Variants in ASPH observed in about 807,000 individuals in gnomAD.
The protein encoded by ASPH is aspartate beta-hydroxylase.
In ASPH, 100 loss-of-function variants were observed where a neutral mutation model predicts 118.4. The observed-to-expected ratio is 0.84, with a 90% CI of 0.72 to 1.00. The LOEUF (loss-of-function observed/expected upper bound fraction) is 1.00, where lower values mean the gene tolerates loss of function less well. ASPH is among the 50% of genes least tolerant of loss of function. The probability of loss-of-function intolerance (pLI) is 0.00; values close to 1 mark genes in which losing one functional copy is unlikely to be tolerated. For synonymous variants in ASPH, 315 were observed against 325.6 expected (o/e 0.97, Z 0.35); for missense variants, 920 against 919.5 (o/e 1.00, Z -0.01).
rs1805046070 is a variant in ASPH at position 61,502,132 on chromosome 8, G to A, written c.*1227C>T. The A allele has an allele frequency of 6.6e-6, 1 of 152,128 alleles. No homozygotes were observed. The highest frequency in any genetic ancestry group is 2.4e-5 in the African/African-American group (1 of 41,422). The allele number at this position is 152,128 out of a possible 1,614,324, so 9.4% of individuals were successfully genotyped here. A position where few individuals can be genotyped will look rare whatever the true frequency, so the allele number is the denominator to read the frequency against. On this transcript the variant is annotated 3_prime_UTR_variant, in exon 25 of 25. Transcript: ENST00000379454. Reference sequence around the variant, plus strand: ...GACGATTTTTACCTATTATTTCTATGTTGTGGGTAATGTTAAAACTAAATA... The same window carrying A: ...GACGATTTTTACCTATTATTTCTATATTGTGGGTAATGTTAAAACTAAATA...
intron 14 of ASPH, among the ~76,000 whole-genome samples, chr8:61,602,409 G>GA (rs1234739794): frequency 1.3e-5 from 2 of 150,916 alleles, no homozygotes; most frequent in African/African-American, 2.5e-5. Flanking sequence ...ACCAATTCCT[G>GA]AAAAAAAACT....
At chr8:61,516,029 A>C (rs1032135791) in intron 24 of ASPH, among the ~76,000 whole-genome samples, 1 of 152,202 alleles carries the variant, frequency 6.6e-6, no homozygotes, top group African/African-American at 2.4e-5. Flanking sequence ...CCTATGATTT[A>C]GTTTCTAAAA....
At chr8:61,592,480 A>C (rs1321701326) in intron 14 of ASPH, among the ~76,000 whole-genome samples, 2 of 152,196 alleles carry the variant, frequency 1.3e-5, no homozygotes, top group Non-Finnish European at 2.9e-5. Context: ...GCCATGCTAA[A>C]CTTCCCCTGC....
chr8:61,536,203 C>T (rs1362435333), intron 21 of ASPH, among the ~76,000 whole-genome samples: 2 of 152,020 alleles, frequency 1.3e-5, no homozygotes, highest in Admixed American at 6.6e-5. Context: ...CCATGCCTGG[C>T]TAATTTTTTG....
chr8:61,521,258 G>T (rs1213299644), intron 22 of ASPH, among the ~76,000 whole-genome samples: 2 of 152,196 alleles, frequency 1.3e-5, no homozygotes, highest in African/African-American at 4.8e-5. Context: ...CAGTGTTCAT[G>T]CTCTTAACCA....
intron 8 of ASPH, among the ~76,000 whole-genome samples, chr8:61,643,736 T>C (rs1379223686): frequency 3.3e-5 from 5 of 152,238 alleles, no homozygotes; most frequent in Non-Finnish European, 5.9e-5. Context: ...AACAGTGGTT[T>C]GAAAAATACG....
At position 61,581,505 on chromosome 8, in the gene ASPH, G is replaced by A. The variant is rs188235384; in HGVS notation, c.1062+2439C>T. The stretch of plus-strand genomic sequence containing the variant: ...CAGCTGCATGGTAGAATAATCCACT[G>A]GTATGATGTCAGTGGGGAAGTAGGA... On this transcript the variant is annotated intron_variant, in intron 15 of 24. Coordinates refer to ENST00000379454, the MANE Select transcript of ASPH (RefSeq NM_004318.4). 2.3e-4 allele frequency among the ~76,000 whole-genome samples: 35 copies of A among 152,312 alleles called. No individual in the cohort carries two copies. The East Asian group carries it at 6.4e-3, about 28-fold the overall frequency.
chr8:61,706,240 C>T (rs371257031), intron 1 of ASPH, among the ~76,000 whole-genome samples: 2 of 150,986 alleles, frequency 1.3e-5, no homozygotes, highest in Admixed American at 6.6e-5. Flanking sequence ...CAGGCCAACA[C>T]GGCAAAACCC....
intron 14 of ASPH, among the ~76,000 whole-genome samples, chr8:61,590,194 T>G (rs754423968): frequency 1.7e-4 from 26 of 152,028 alleles, no homozygotes; most frequent in Middle Eastern, 3.4e-3. Context: ...TAGATATTGC[T>G]CAGGGATCCC....
At chr8:61,537,013 A>G (rs1411346960) in intron 21 of ASPH, among the ~76,000 whole-genome samples, 1 of 152,204 alleles carries the variant, frequency 6.6e-6, no homozygotes, top group African/African-American at 2.4e-5. Flanking sequence ...GAGTGAGAGA[A>G]AAAGGATTGC....
At chr8:61,642,996 A>C in intron 9 of ASPH, 76 bp from the exon 10 acceptor site, 1 of 1,288,988 alleles carries the variant, frequency 7.8e-7, no homozygotes, top group Non-Finnish European at 1.1e-6. Context: ...TTAAAACAAA[A>C]TACTACTTAA....
intron 14 of ASPH, among the ~76,000 whole-genome samples, chr8:61,608,343 C>T (rs921735312): frequency 2.6e-5 from 4 of 152,096 alleles, no homozygotes; most frequent in South Asian, 2.1e-4. Flanking sequence ...AAAGGGTCTC[C>T]GCCAAGATTC....
At chr8:61,645,714 C>T in intron 6 of ASPH, among the ~76,000 whole-genome samples, 1 of 152,158 alleles carries the variant, frequency 6.6e-6, no homozygotes, top group East Asian at 1.9e-4. Context: ...GAAAACCAAA[C>T]CATCCCATAT....
intron 24 of ASPH, among the ~76,000 whole-genome samples, chr8:61,506,024 A>G (rs889106255): frequency 1.3e-5 from 2 of 152,238 alleles, no homozygotes; most frequent in Admixed American, 1.3e-4. Context: ...CAGTGCACCT[A>G]TGTTCACAGC....
chr8:61,537,114 C>A (rs1376488764), intron 21 of ASPH, among the ~76,000 whole-genome samples: 1 of 152,168 alleles, frequency 6.6e-6, no homozygotes, highest in Non-Finnish European at 1.5e-5. Context: ...CAGAGGAGAA[C>A]CATATTCCTC....
intron 3 of ASPH, chr8:61,658,687 A>C (rs1782068100): frequency 6.6e-6 from 1 of 152,180 alleles, no homozygotes; most frequent in Non-Finnish European, 1.5e-5. Context: ...TTCTTCTAAA[A>C]AAAATCTTTA....
At chr8:61,711,715 T>C (rs946640274) in intron 1 of ASPH, among the ~76,000 whole-genome samples, 1 of 152,120 alleles carries the variant, frequency 6.6e-6, no homozygotes, top group Non-Finnish European at 1.5e-5. Context: ...GGTTCTTTTT[T>C]CCCCATACGT....
At chr8:61,645,778 T>C (rs1019758257) in intron 6 of ASPH, among the ~76,000 whole-genome samples, 7 of 152,328 alleles carry the variant, frequency 4.6e-5, no homozygotes, top group South Asian at 2.1e-4. Context: ...ATATAAGTTT[T>C]TGGAAATACA....
intron 3 of ASPH, among the ~76,000 whole-genome samples, chr8:61,655,501 G>A (rs1456643091): frequency 2.0e-5 from 3 of 152,240 alleles, no homozygotes; most frequent in East Asian, 1.9e-4. Context: ...ACTGTGTTCC[G>A]TGTGTTATAC....
Sources: allele counts gnomAD v4.1 joint callset (sites outside exome capture counted in the v4.1 genomes callset), GRCh38; gene constraint gnomAD v4.1.1; transcripts MANE v1.5; gene names NCBI Gene and HGNC (gene_info 2026-07-23, HGNC 2026-07-21).